The following FAM81A variants were observed in gnomAD, a reference collection of about 807,000 sequenced individuals.
The protein encoded by FAM81A is family with sequence similarity 81 member A, also known as protein FAM81A.
In FAM81A, 19 loss-of-function variants were observed where a neutral mutation model predicts 46.7. That is an observed-to-expected ratio of 0.41 (90% CI 0.28 to 0.60). The LOEUF is 0.60. Ranked by LOEUF, FAM81A falls within the 20% of genes least tolerant of loss-of-function variation. FAM81A has a pLI of 0.34. For synonymous variants in FAM81A, 183 were observed against 152.9 expected (o/e 1.20, Z -1.45); for missense variants, 377 against 453.5 (o/e 0.83, Z 1.53).
chr15:59,480,503 G>T (rs190791035), intron 3 of FAM81A, among the ~76,000 whole-genome samples: 2 of 152,116 alleles, frequency 1.3e-5, no homozygotes, highest in African/African-American at 4.8e-5. Context: ...AAGATAGGCC[G>T]TATCTTTGAA....
intron 3 of FAM81A, among the ~76,000 whole-genome samples, chr15:59,469,862 C>T (rs2081662675): frequency 6.6e-6 from 1 of 152,098 alleles, no homozygotes; most frequent in Non-Finnish European, 1.5e-5. Context: ...ACCGGTTGTT[C>T]CTTTCCATGT....
At chr15:59,433,134 C>G (rs1372389492) in intron 2 of FAM81A, among the ~76,000 whole-genome samples, 2 of 66,714 alleles carry the variant, frequency 3.0e-5, no homozygotes, top group African/African-American at 1.2e-4. Context: ...GAGCGAGACT[C>G]CGTCTCAAAA....
rs7179132 is a variant in FAM81A at position 59,443,283 on chromosome 15, C to T, written c.-78+5001C>T. Among the ~76,000 whole-genome samples the T allele has an allele frequency of 9.4e-3, 1,431 of 152,232 alleles. 22 individuals are homozygous for T. The highest frequency in any genetic ancestry group is 0.031 in the African/African-American group (1,287 of 41,544). ...ATTTTGTAGAGACAGTGTTTCACCA[C>T]GTTGGCCAGGCTGGTCTTGAACTCC... is the stretch of plus-strand genomic sequence containing the variant. On this transcript the variant is annotated intron_variant, in intron 1 of 8. Transcript: ENST00000288228.
At chr15:59,412,101 T>G (rs2081123428) in intron 2 of FAM81A, among the ~76,000 whole-genome samples, 2 of 151,738 alleles carry the variant, frequency 1.3e-5, no homozygotes, top group South Asian at 4.2e-4. Flanking sequence ...AAGGAGGGCT[T>G]CGATTTTGGG....
At chr15:59,485,555 T>C (rs2081907959) in intron 3 of FAM81A, among the ~76,000 whole-genome samples, 1 of 152,244 alleles carries the variant, frequency 6.6e-6, no homozygotes, top group African/African-American at 2.4e-5. Flanking sequence ...TACAGTGTTA[T>C]TGGGCTTGGG....
intron 3 of FAM81A, among the ~76,000 whole-genome samples, chr15:59,463,299 C>A (rs552594301): frequency 4.6e-5 from 7 of 151,906 alleles, no homozygotes; most frequent in African/African-American, 1.7e-4. Flanking sequence ...TAAAATATAA[C>A]GGTTTATTTC....
intron 2 of FAM81A, among the ~76,000 whole-genome samples, chr15:59,424,583 G>C (rs1002564340): frequency 1.3e-5 from 2 of 152,148 alleles, no homozygotes; most frequent in Non-Finnish European, 2.9e-5. Context: ...CTAAGCTCTC[G>C]ATATCCACCA....
chr15:59,501,364 G>A (rs2082088746), intron 4 of FAM81A, among the ~76,000 whole-genome samples: 1 of 152,128 alleles, frequency 6.6e-6, no homozygotes, highest in Non-Finnish European at 1.5e-5. Flanking sequence ...CTAATTGCTA[G>A]CATATTGCTA....
intron 2 of FAM81A, among the ~76,000 whole-genome samples, chr15:59,423,074 T>C (rs2081180961): frequency 6.6e-6 from 1 of 152,058 alleles, no homozygotes; most frequent in Non-Finnish European, 1.5e-5. Context: ...CCTAATGAAA[T>C]AGGTATTATT....
chr15:59,457,742 C>T (rs758444134), intron 1 of FAM81A, among the ~76,000 whole-genome samples: 11 of 152,160 alleles, frequency 7.2e-5, no homozygotes, highest in South Asian at 2.1e-4. Context: ...AGAGAGATGA[C>T]GCCAAAACAG....
At chr15:59,422,600 C>T (rs748345589) in intron 2 of FAM81A, among the ~76,000 whole-genome samples, 5 of 152,040 alleles carry the variant, frequency 3.3e-5, no homozygotes, top group African/African-American at 1.2e-4. Context: ...CCTCAGCCTC[C>T]GAAGTAGCTG....
chr15:59,468,275 A>G (rs2081640648), intron 3 of FAM81A, among the ~76,000 whole-genome samples: 1 of 152,136 alleles, frequency 6.6e-6, no homozygotes, highest in Non-Finnish European at 1.5e-5. Context: ...ATAGTTTCAG[A>G]AGGAATGGTA....
intron 1 of FAM81A, among the ~76,000 whole-genome samples, chr15:59,448,913 C>T (rs2081383076): frequency 6.6e-6 from 1 of 152,178 alleles, no homozygotes; most frequent in Admixed American, 6.5e-5. Context: ...GATCATCCTA[C>T]TTCAGCCTCT....
chr15:59,457,743 G>T (rs972369038), intron 1 of FAM81A, among the ~76,000 whole-genome samples: 1 of 151,904 alleles, frequency 6.6e-6, no homozygotes, highest in East Asian at 1.9e-4. Flanking sequence ...GAGAGATGAC[G>T]CCAAAACAGT....
intron 1 of FAM81A, chr15:59,444,241 C>A (rs1003716604): frequency 6.6e-6 from 1 of 152,186 alleles, no homozygotes; most frequent in African/African-American, 2.4e-5. Flanking sequence ...ACAGAATAAC[C>A]GTGGAGCTGT....
intron 3 of FAM81A, among the ~76,000 whole-genome samples, chr15:59,483,927 C>T (rs2081885937): frequency 6.6e-6 from 1 of 152,174 alleles, no homozygotes; most frequent in Non-Finnish European, 1.5e-5. Flanking sequence ...GGCTCGTTCC[C>T]CACTGCCTCT....
intron 3 of FAM81A, among the ~76,000 whole-genome samples, chr15:59,468,151 A>G (rs141614291): frequency 6.8e-4 from 103 of 152,174 alleles, no homozygotes; most frequent in African/African-American, 2.3e-3. Flanking sequence ...TTCATCAGGG[A>G]TATTGGCCTA....
intron 3 of FAM81A, among the ~76,000 whole-genome samples, chr15:59,486,076 G>C (rs1458303666): frequency 1.3e-5 from 2 of 152,126 alleles, no homozygotes; most frequent in Non-Finnish European, 2.9e-5. Flanking sequence ...CTACTCAGGA[G>C]GCTGAGGCAG....
chr15:59,461,389 G>A (rs552683563), intron 3 of FAM81A, among the ~76,000 whole-genome samples: 32 of 152,204 alleles, frequency 2.1e-4, no homozygotes, highest in Middle Eastern at 3.4e-3. Flanking sequence ...AGGCTCAACC[G>A]ATCCTCCTGC....
Sources: gnomAD v4.1 joint callset for allele counts (sites outside exome capture counted in the v4.1 genomes callset) on GRCh38, gnomAD v4.1.1 for gene constraint, MANE v1.5 for transcripts, NCBI Gene and HGNC (gene_info 2026-07-23, HGNC 2026-07-21) for gene names.